MMRN1: variants seen among roughly 807,000 people sequenced by gnomAD.
The protein encoded by MMRN1 is multimerin 1.
A neutral mutation model predicts 100.7 loss-of-function variants in MMRN1; 94 were observed. The ratio of observed to expected loss-of-function variants is 0.93; its 90% CI spans 0.79 to 1.11. The LOEUF (loss-of-function observed/expected upper bound fraction) is 1.11. Ranked by LOEUF, MMRN1 falls within the 50% of genes least tolerant of loss-of-function variation. The probability of loss-of-function intolerance (pLI) is 0.00; values close to 1 mark genes in which losing one functional copy is unlikely to be tolerated. For synonymous variants in MMRN1, 575 were observed against 505.0 expected (o/e 1.14, Z -1.86); for missense variants, 1,606 against 1,439.1 (o/e 1.12, Z -1.88).
chr4:89,914,010 T>A (rs1216701974), intron 3 of MMRN1, among the ~76,000 whole-genome samples: 1 of 151,412 alleles, frequency 6.6e-6, no homozygotes, highest in Non-Finnish European at 1.5e-5. Context: ...TTAGTGCAGT[T>A]GTATTTTCAA....
At chr4:89,926,013 T>C (rs1722247903) in intron 4 of MMRN1, among the ~76,000 whole-genome samples, 1 of 152,212 alleles carries the variant, frequency 6.6e-6, no homozygotes. Flanking sequence ...ACATTTTCTT[T>C]ATCCATTCAT....
At chr4:89,904,217 T>C (rs1434076818) in intron 1 of MMRN1, among the ~76,000 whole-genome samples, 4 of 151,874 alleles carry the variant, frequency 2.6e-5, no homozygotes, top group Non-Finnish European at 4.4e-5. Flanking sequence ...GCAAAATTAT[T>C]ATTTTTCACT....
Position 89,953,004 on chromosome 4 carries a change from C to T in MMRN1, c.3273C>T (p.Ser1091=). 1.3e-6 allele frequency: 2 copies of T among 1,543,846 alleles called. No homozygotes were observed. The highest frequency in any genetic ancestry group is 1.7e-6 in the Non-Finnish European group (2 of 1,144,796). ...VEENALAPDF[S]KGSYRYAPMV... is the part of the protein sequence containing the mutation. Reference sequence around the variant, plus strand: ...CATTTTTTCCTCTAACAGATTTTTCCAAAGGATCTTACAGATATGCACCCA... The same window carrying T: ...CATTTTTTCCTCTAACAGATTTTTCTAAAGGATCTTACAGATATGCACCCA... The change falls in exon 8 of 8, where the codon TCC becomes TCT. Residue 1091 remains serine, a synonymous_variant. Coordinates refer to ENST00000264790, the MANE Select transcript of MMRN1 (RefSeq NM_007351.3).
chr4:89,934,582 T>A (rs377060950), intron 5 of MMRN1, among the ~76,000 whole-genome samples: 1 of 152,280 alleles, frequency 6.6e-6, no homozygotes, highest in South Asian at 2.1e-4. Context: ...GGTTTTAGTA[T>A]GTTCTAGTAT....
intron 1 of MMRN1, among the ~76,000 whole-genome samples, chr4:89,885,273 C>T (rs774243149): frequency 2.0e-5 from 3 of 151,898 alleles, no homozygotes; most frequent in Non-Finnish European, 4.4e-5. Context: ...ACCTTAACTT[C>T]TTTGAATTAC....
intron 1 of MMRN1, among the ~76,000 whole-genome samples, chr4:89,884,824 C>T (rs1284658992): frequency 6.6e-6 from 1 of 152,122 alleles, no homozygotes; most frequent in Non-Finnish European, 1.5e-5. Flanking sequence ...ATATATAATA[C>T]AGCACTTTAC....
chr4:89,917,468 T>C (rs1378137921), intron 3 of MMRN1, among the ~76,000 whole-genome samples: 1 of 151,892 alleles, frequency 6.6e-6, no homozygotes, highest in Admixed American at 6.6e-5. Context: ...GTCAATATTG[T>C]ATATAAATCA....
At chr4:89,898,136 C>T (rs118027643) in intron 1 of MMRN1, among the ~76,000 whole-genome samples, 2 of 152,114 alleles carry the variant, frequency 1.3e-5, no homozygotes. Flanking sequence ...GGACACAGTG[C>T]TGCTGCAAAC....
chr4:89,944,000 G>A (rs1722912906), intron 6 of MMRN1, among the ~76,000 whole-genome samples: 1 of 151,608 alleles, frequency 6.6e-6, no homozygotes, highest in African/African-American at 2.4e-5. Flanking sequence ...AAAAATGATA[G>A]TGAAAGATAT....
chr4:89,949,597 G>A (rs1723094660), intron 6 of MMRN1, among the ~76,000 whole-genome samples: 1 of 152,188 alleles, frequency 6.6e-6, no homozygotes, highest in South Asian at 2.1e-4. Flanking sequence ...GCAAAGTGAG[G>A]TTAAAGGAAT....
chr4:89,922,629 A>T (rs910491227), intron 3 of MMRN1, among the ~76,000 whole-genome samples: 1 of 152,152 alleles, frequency 6.6e-6, no homozygotes, highest in East Asian at 1.9e-4. Context: ...TGCCTGCAAT[A>T]GTTTACTTTT....
chr4:89,950,829 G>T (rs149106586), intron 6 of MMRN1, among the ~76,000 whole-genome samples: 1 of 151,886 alleles, frequency 6.6e-6, no homozygotes, highest in Non-Finnish European at 1.5e-5. Context: ...GAAGTGGTGG[G>T]GTTACAGGTG....
intron 1 of MMRN1, among the ~76,000 whole-genome samples, chr4:89,886,461 A>C (rs1397340770): frequency 6.6e-6 from 1 of 152,134 alleles, no homozygotes; most frequent in Non-Finnish European, 1.5e-5. Flanking sequence ...TTCATGACCC[A>C]AAACATATTC....
At chr4:89,900,774 C>T (rs1170345606) in intron 1 of MMRN1, among the ~76,000 whole-genome samples, 1 of 151,880 alleles carries the variant, frequency 6.6e-6, no homozygotes, top group East Asian at 1.9e-4. Context: ...TTTGGCAAAG[C>T]ATTGGTATAT....
At chr4:89,887,555 A>G (rs1720965003) in intron 1 of MMRN1, among the ~76,000 whole-genome samples, 1 of 152,056 alleles carries the variant, frequency 6.6e-6, no homozygotes, top group Non-Finnish European at 1.5e-5. Flanking sequence ...ATTTATATTC[A>G]GTATTATGTG....
At chr4:89,887,835 T>A (rs992110431) in intron 1 of MMRN1, among the ~76,000 whole-genome samples, 6 of 151,958 alleles carry the variant, frequency 3.9e-5, no homozygotes, top group African/African-American at 1.2e-4. Context: ...ACAAATGCTA[T>A]CAATCTCACC....
At chr4:89,931,652 A>G (rs1722439343) in intron 5 of MMRN1, among the ~76,000 whole-genome samples, 1 of 152,210 alleles carries the variant, frequency 6.6e-6, no homozygotes, top group South Asian at 2.1e-4. Flanking sequence ...AAGATGAAGA[A>G]GGAGCAAAGC....
chr4:89,936,486 A>G lies in MMRN1; in HGVS notation c.2806A>G (p.Thr936Ala), dbSNP rs376192695. The change falls in exon 6 of 8, where the codon ACA (threonine) becomes GCA (alanine). Residue 936 changes from threonine to alanine, a missense_variant. Coordinates refer to ENST00000264790, the MANE Select transcript of MMRN1 (RefSeq NM_007351.3). ...TTTAACAATGTGTCACAATGCTTCT[A>G]CAAGTGTGTCAGAACTGAATGCTAC... ...EVLTMCHNAS[T>A]SVSELNATIP... The G allele has an allele frequency of 3.7e-6, 6 of 1,613,126 alleles. No individual in the cohort carries two copies. Among genetic ancestry groups the G allele is most frequent in the Admixed American group, 1.7e-5 (1 of 59,924 alleles).
chr4:89,898,365 G>A (rs992908251), intron 1 of MMRN1, among the ~76,000 whole-genome samples: 1 of 151,898 alleles, frequency 6.6e-6, no homozygotes, highest in Non-Finnish European at 1.5e-5. Context: ...AAGGTCACTT[G>A]GCTAACAAAG....
Sources: allele counts gnomAD v4.1 joint callset (sites outside exome capture counted in the v4.1 genomes callset), GRCh38; gene constraint gnomAD v4.1.1; transcripts MANE v1.5; gene names NCBI Gene and HGNC (gene_info 2026-07-23, HGNC 2026-07-21).